TNRC6C: variants seen among roughly 807,000 people sequenced by gnomAD.
TNRC6C encodes trinucleotide repeat-containing gene 6C protein.
In TNRC6C, 20 loss-of-function variants were observed where a neutral mutation model predicts 153.7. That is an observed-to-expected ratio of 0.13 (90% confidence interval 0.09 to 0.19). TNRC6C has a LOEUF of 0.19. Ranked by LOEUF, TNRC6C falls within the 10% of genes least tolerant of loss-of-function variation. The probability of loss-of-function intolerance (pLI) is 1.00; values close to 1 mark genes in which losing one functional copy is unlikely to be tolerated. For missense variants in TNRC6C, 1,987 were observed against 2,172.0 expected (o/e 0.91, Z 1.69); for synonymous variants, 811 against 841.4 (o/e 0.96, Z 0.63).
At chr17:78,024,388 A>T (rs1434856418) in intron 1 of TNRC6C, among the ~76,000 whole-genome samples, 1 of 151,466 alleles carries the variant, frequency 6.6e-6, no homozygotes, top group East Asian at 1.9e-4. Flanking sequence ...TTTTTTGGAG[A>T]TGGAGTCTCT....
intron 3 of TNRC6C, 147 bp downstream of exon 5, chr17:78,051,595 G>A (rs2072537930): frequency 3.3e-6 from 3 of 920,164 alleles, no homozygotes; most frequent in Non-Finnish European, 4.4e-6. Flanking sequence ...GTGCAATATT[G>A]TATCTAAAGA....
chr17:78,026,669 G>T (rs1311158181), intron 1 of TNRC6C, among the ~76,000 whole-genome samples: 1 of 152,180 alleles, frequency 6.6e-6, no homozygotes, highest in Non-Finnish European at 1.5e-5. Flanking sequence ...CGTGGACCTT[G>T]CAGAGAGTTT....
At chr17:78,069,781 G>A (rs978167593) in intron 5 of TNRC6C, among the ~76,000 whole-genome samples, 1 of 152,140 alleles carries the variant, frequency 6.6e-6, no homozygotes, top group Non-Finnish European at 1.5e-5. Flanking sequence ...GCAAGGTGCA[G>A]AAAAACATGT....
intron 3 of TNRC6C, among the ~76,000 whole-genome samples, chr17:78,057,624 G>A (rs1444401300): frequency 1.3e-5 from 2 of 152,212 alleles, no homozygotes; most frequent in Non-Finnish European, 2.9e-5. Context: ...CCAGACAAAA[G>A]CCTTCCACTT....
chr17:77,963,296 G>A (rs1192864267), intron 1 of TNRC6C, among the ~76,000 whole-genome samples: 1 of 152,140 alleles, frequency 6.6e-6, no homozygotes, highest in Non-Finnish European at 1.5e-5. Context: ...GAACTTGTTT[G>A]AATAACCCGA....
intron 17 of TNRC6C, among the ~76,000 whole-genome samples, chr17:78,101,487 A>ACCAGCTT (rs2073593429): frequency 6.6e-6 from 1 of 152,142 alleles, no homozygotes; most frequent in Non-Finnish European, 1.5e-5. Context: ...CCGTGCCAAG[A>ACCAGCTT]CCAGCTTGAT....
upstream of TNRC6C, among the ~76,000 whole-genome samples, chr17:78,000,611 T>TCCCCCCCCCCCCC (rs1276820271): frequency 3.4e-5 from 1 of 29,196 alleles, no homozygotes; most frequent in Non-Finnish European, 6.7e-5. Flanking sequence ...TCTCTCTTTC[T>TCCCCCCCCCCCCC]CCCTCCGCCC....
At chr17:78,014,290 T>C (rs1311431412) in intron 1 of TNRC6C, among the ~76,000 whole-genome samples, 4 of 152,180 alleles carry the variant, frequency 2.6e-5, no homozygotes, top group African/African-American at 9.7e-5. Context: ...CAGTGGACTT[T>C]CTTTGCCTTT....
At chr17:77,985,801 T>A (rs1460543913) in intron 1 of TNRC6C, among the ~76,000 whole-genome samples, 2 of 152,146 alleles carry the variant, frequency 1.3e-5, no homozygotes, top group Non-Finnish European at 2.9e-5. Flanking sequence ...CCTACATTCG[T>A]GTTTGATTAA....
intron 2 of TNRC6C, among the ~76,000 whole-genome samples, 168 bp from the exon 5 acceptor site, chr17:78,048,677 G>A (rs571110863): frequency 6.6e-6 from 1 of 152,260 alleles, no homozygotes; most frequent in Admixed American, 6.5e-5. Flanking sequence ...CTTTAAAATG[G>A]GATCTATTAA....
chr17:78,094,997 C>G (rs1347596385), intron 16 of TNRC6C, among the ~76,000 whole-genome samples: 1 of 152,218 alleles, frequency 6.6e-6, no homozygotes, highest in African/African-American at 2.4e-5. Flanking sequence ...ATCAGAGACC[C>G]AGCCCTCCCC....
intron 1 of TNRC6C, among the ~76,000 whole-genome samples, chr17:78,024,206 A>G (rs372523998): frequency 2.0e-5 from 3 of 152,244 alleles, no homozygotes; most frequent in South Asian, 2.1e-4. Flanking sequence ...GAGTGGTTCT[A>G]AGTTTACCAG....
At chr17:78,078,965 C>A (rs527925880) in intron 9 of TNRC6C, among the ~76,000 whole-genome samples, 1 of 151,980 alleles carries the variant, frequency 6.6e-6, no homozygotes, top group African/African-American at 2.4e-5. Flanking sequence ...TGGTGGCAGG[C>A]GACGGTAATC....
At chr17:77,984,804 C>G (rs2071136931) in intron 1 of TNRC6C, among the ~76,000 whole-genome samples, 2 of 151,808 alleles carry the variant, frequency 1.3e-5, no homozygotes, top group Non-Finnish European at 1.5e-5. Context: ...AGGGATCTTC[C>G]TCTGAGTTCT....
At chr17:78,097,938 T>G (rs2073517765) in intron 16 of TNRC6C, 77 bp downstream of exon 19, 1 of 1,190,678 alleles carries the variant, frequency 8.4e-7, no homozygotes, top group Non-Finnish European at 1.2e-6. Context: ...GCCCCAGCTT[T>G]TCCTATTGGC....
chr17:78,070,979 T>C lies in TNRC6C; in HGVS notation c.2779-106T>C. ...ATTATTCAATGTTAATACAAAAAGA[T>C]CCTGTGACTTTTAAATGACCCTGAA... On this transcript the variant is annotated intron_variant, in intron 5 of 19. Coordinates refer to ENST00000301624, the Ensembl canonical transcript of TNRC6C. The C allele has an allele frequency of 2.7e-6, 3 of 1,098,240 alleles. No individual in the cohort carries two copies. In the South Asian group the frequency reaches 4.2e-5, roughly 15 times the overall value. The allele number at this position is 1,098,240 out of a possible 1,614,324, so 68.0% of individuals were successfully genotyped here. A position where few individuals can be genotyped will look rare whatever the true frequency, so the allele number is the denominator to read the frequency against.
intron 1 of TNRC6C, among the ~76,000 whole-genome samples, chr17:77,961,286 G>T (rs906231651): frequency 6.6e-6 from 1 of 151,898 alleles, no homozygotes; most frequent in African/African-American, 2.4e-5. Context: ...CTCCCGAGTA[G>T]CAGGGATTAC....
chr17:78,075,350 A>C lies in TNRC6C; in HGVS notation c.3060+72A>C. ...GTTTTTCATTTCAACTGTGTCCTTA[A>C]TACAAGCCAGATTAAAAACTTGCTG... On this transcript the variant is annotated intron_variant, in intron 8 of 19. Coordinates refer to ENST00000301624, the Ensembl canonical transcript of TNRC6C. The surrounding 1 kb of genome is among the most constrained non-coding windows in gnomAD (Gnocchi z 4.2). The C allele has an allele frequency of 6.7e-7, 1 of 1,495,586 alleles. No homozygotes were observed. The highest frequency in any genetic ancestry group is 9.0e-7 in the Non-Finnish European group (1 of 1,112,968). 92.6% of individuals were successfully genotyped at this position (1,495,586 alleles called of 1,614,324 possible). A position where few individuals can be genotyped will look rare whatever the true frequency, so the allele number is the denominator to read the frequency against.
At chr17:78,041,441 A>G (rs900371993) in intron 2 of TNRC6C, among the ~76,000 whole-genome samples, 2 of 152,164 alleles carry the variant, frequency 1.3e-5, no homozygotes, top group Non-Finnish European at 2.9e-5. Flanking sequence ...TCTTTATTTA[A>G]TAGACTCTTA....
Sources: allele counts gnomAD v4.1 joint callset (sites outside exome capture counted in the v4.1 genomes callset), GRCh38; gene constraint gnomAD v4.1.1; non-coding constraint Gnocchi (gnomAD v3.1); transcripts MANE v1.5; gene names NCBI Gene and HGNC (gene_info 2026-07-23, HGNC 2026-07-21).